The following TIE1 variants were observed in gnomAD, a reference collection of about 807,000 sequenced individuals.
TIE1 encodes the protein tyrosine kinase with immunoglobulin like and EGF like domains 1.
A neutral mutation model predicts 130.5 loss-of-function variants in TIE1; 89 were observed. That is an observed-to-expected ratio of 0.68 (90% CI 0.57 to 0.81). The LOEUF is 0.81. TIE1 is among the 40% of genes least tolerant of loss of function. TIE1 has a pLI of 0.00. For missense variants in TIE1, 1,392 were observed against 1,559.8 expected, an observed-to-expected ratio of 0.89 and a Z score of 1.81; for synonymous variants, 568 against 629.4, an observed-to-expected ratio of 0.90 and a Z score of 1.46.
intron 1 of TIE1, among the ~76,000 whole-genome samples, chr1:43,304,347 A>C (rs142690301): frequency 6.6e-6 from 1 of 152,202 alleles, no homozygotes; most frequent in Non-Finnish European, 1.5e-5. Context: ...AGGGGGACCC[A>C]TGGGACACTT....
rs1210526204 is a variant in TIE1, at chr1:43,319,775, G to A, written c.3107+246G>A. On this transcript the variant is annotated intron_variant, in intron 19 of 22. Transcript: ENST00000372476. This position sits in a 1 kb window ranked among gnomAD's most constrained non-coding sequence, Gnocchi z 4.7. ...AGTTTCGGATTATGTTTGTGTAAGT[G>A]ACGGGGGATGCCTTGGAGAGGTTTG... 3.7e-6 allele frequency: 2 copies of A among 534,932 alleles called. No individual in the cohort carries two copies. Among genetic ancestry groups the A allele is most frequent in the African/African-American group, 3.8e-5 (2 of 52,468 alleles). 33.1% of individuals were successfully genotyped at this position (534,932 alleles called of 1,614,324 possible).
In TIE1 at chr1:43,307,243, C is replaced by T. The variant is rs762069500; in HGVS notation, c.742C>T (p.Pro248Ser). ...CCATGACGGCGAATGTGTATGCCCCCCTGGCTTCACTGGCACCCGCTGTGA... is the reference window on the plus strand; with the variant it reads ...CCATGACGGCGAATGTGTATGCCCCTCTGGCTTCACTGGCACCCGCTGTGA... ...HDHDGECVCP[P>S]GFTGTRCEQA... is the part of the protein sequence containing the mutation. Residue 248 changes from proline to serine, a missense_variant, in exon 5 of 23, where the codon CCT becomes TCT. By Grantham distance (74) the Pro-to-Ser change is moderately conservative (BLOSUM62 -1). Coordinates refer to ENST00000372476, the MANE Select transcript of TIE1 (RefSeq NM_005424.5). The surrounding 1 kb of genome is among the most constrained non-coding windows in gnomAD (Gnocchi z 5.4). 4 of 1,614,124 alleles carry T rather than the reference C, an allele frequency of 2.5e-6. No individual in the cohort carries two copies. Among genetic ancestry groups the T allele is most frequent in the Non-Finnish European group, 3.4e-6 (4 of 1,180,010 alleles).
Position 43,306,583 on chromosome 1 carries a change from G to A in TIE1, c.485-257G>A, listed in dbSNP as rs767814307. ...GGACCAGGGCAGTGGCAGTGGGTGTGGGGAGAAGCGGACTGGGTTAGGGGA... is the reference window on the plus strand; with the variant it reads ...GGACCAGGGCAGTGGCAGTGGGTGTAGGGAGAAGCGGACTGGGTTAGGGGA... On this transcript the variant is annotated intron_variant, in intron 3 of 22. Coordinates refer to ENST00000372476, the MANE Select transcript of TIE1 (RefSeq NM_005424.5). The surrounding 1 kb of genome is among the most constrained non-coding windows in gnomAD (Gnocchi z 4.9). Among the ~76,000 whole-genome samples, 103 of 152,184 alleles carry A rather than the reference G, an allele frequency of 6.8e-4. No homozygotes were observed. Among genetic ancestry groups the A allele is most frequent in the South Asian group, 8.3e-4 (4 of 4,836 alleles).
At position 43,307,132 on chromosome 1, in the gene TIE1, C is replaced by G; in HGVS notation, c.641-10C>G. The G allele has an allele frequency of 6.2e-7, 1 of 1,614,010 alleles. No individual in the cohort carries two copies. The highest frequency in any genetic ancestry group is 8.5e-7 in the Non-Finnish European group (1 of 1,179,992). ...GGTGAGGGTCAGCTGCTGAAGACAC[C>G]TTCCTCCAGGTTGTGGGGCTGGGCG... On this transcript the variant is annotated splice_polypyrimidine_tract_variant and intron_variant, in intron 4 of 22. Transcript: ENST00000372476. The surrounding 1 kb of genome is among the most constrained non-coding windows in gnomAD (Gnocchi z 5.4).
rs780511284 is a variant in TIE1 at position 43,312,161 on chromosome 1, C to T, written c.1630+30C>T. 1.3e-6 allele frequency: 2 copies of T among 1,517,250 alleles called. No individual in the cohort carries two copies. The highest frequency in any genetic ancestry group is 2.2e-5 in the Admixed American group (1 of 45,402). The allele number at this position is 1,517,250 out of a possible 1,614,324, so 94.0% of individuals were successfully genotyped here. A position where few individuals can be genotyped will look rare whatever the true frequency, so the allele number is the denominator to read the frequency against. On this transcript the variant is annotated intron_variant, in intron 11 of 22. Transcript: ENST00000372476. The surrounding 1 kb of genome is among the most constrained non-coding windows in gnomAD (Gnocchi z 5.6). ...GAGGCCAAGAGTCATCCCTTCCTGT[C>T]CCCCCAAGGGTTACTTTCCCGTCGA...
At position 43,307,233 on chromosome 1, in the gene TIE1, T is replaced by G. The variant is rs1159772438; in HGVS notation, c.732T>G (p.Cys244Trp). 1.2e-6 allele frequency: 2 copies of G among 1,613,982 alleles called. No individual in the cohort carries two copies. The highest frequency in any genetic ancestry group is 1.7e-6 in the Non-Finnish European group (2 of 1,179,964). The change falls in exon 5 of 23, where the codon TGT becomes TGG. Residue 244 changes from cysteine (C) to tryptophan (W), a missense_variant. Coordinates refer to ENST00000372476, the MANE Select transcript of TIE1 (RefSeq NM_005424.5). The surrounding 1 kb of genome is among the most constrained non-coding windows in gnomAD (Gnocchi z 5.4). Reference protein sequence around the residue: ...GGVCHDHDGECVCPPGFTGTR... With the variant: ...GGVCHDHDGEWVCPPGFTGTR... ...TCTGCCACGACCATGACGGCGAATG[T>G]GTATGCCCCCCTGGCTTCACTGGCA...
In TIE1 at chr1:43,312,551, C is replaced by T. The variant is rs145096280; in HGVS notation, c.1877C>T (p.Thr626Ile). 1.2e-6 allele frequency: 2 copies of T among 1,613,106 alleles called. No homozygotes were observed. Among genetic ancestry groups the T allele is most frequent in the African/African-American group, 2.7e-5 (2 of 74,906 alleles). ...CTGGATGTGCAGCTCTACCACTGCA[C>T]CCTCCTGGGCCCGGCCTCGCCCCCT... ...YQLDVQLYHC[T>I]LLGPASPPAH... is the part of the protein sequence containing the mutation. The change falls in exon 12 of 23, where the codon ACC (threonine) becomes ATC (isoleucine). Residue 626 changes from threonine (T) to isoleucine (I), a missense_variant. This residue lies in a region of TIE1 where 551 missense variants were observed against 565.5 expected (regional missense o/e 0.97). Coordinates refer to ENST00000372476, the MANE Select transcript of TIE1 (RefSeq NM_005424.5). This position sits in a 1 kb window ranked among gnomAD's most constrained non-coding sequence, Gnocchi z 5.6.
At chr1:43,321,049 A>C (rs1199040) in intron 19 of TIE1, among the ~76,000 whole-genome samples, 49 of 133,120 alleles carry the variant, frequency 3.7e-4, no homozygotes, top group African/African-American at 5.9e-4. Flanking sequence ...AAAAAAAAAA[A>C]AAAAACAAAA....
rs756843407 is a variant in TIE1, at chr1:43,312,400, G to A, written c.1726G>A (p.Val576Met). Residue 576 changes from valine (V) to methionine (M), a missense_variant, in exon 12 of 23, where the codon GTG becomes ATG. Physicochemically the swap from Val to Met is conservative, Grantham distance 21 (BLOSUM62 1). Around this residue, in one of 6 missense-constraint regions of TIE1, gnomAD observed 551 missense variants for 565.5 expected, o/e 0.97. Transcript: ENST00000372476. The surrounding 1 kb of genome is among the most constrained non-coding windows in gnomAD (Gnocchi z 5.6). ...WSLPLVPGPL[V>M]GDGFLLRLWD... is the part of the protein sequence containing the mutation. The stretch of plus-strand genomic sequence containing the variant: ...CTTGCCCTTGGTGCCCGGGCCACTG[G>A]TGGGCGACGGTTTCCTGCTGCGCCT... 1.9e-6 allele frequency: 3 copies of A among 1,606,882 alleles called. No individual in the cohort carries two copies. In the African/African-American group the frequency reaches 4.0e-5, roughly 21 times the overall value.
chr1:43,315,440 A>C lies in TIE1; in HGVS notation c.2409+1472A>C, dbSNP rs1022103406. The C allele has an allele frequency of 1.3e-5, 2 of 151,934 alleles. No individual in the cohort carries two copies. Among genetic ancestry groups the C allele is most frequent in the Admixed American group, 1.3e-4 (2 of 15,266 alleles). The allele number at this position is 151,934 out of a possible 1,614,324, so 9.4% of individuals were successfully genotyped here. On this transcript the variant is annotated intron_variant, in intron 14 of 22. Coordinates refer to ENST00000372476, the MANE Select transcript of TIE1 (RefSeq NM_005424.5). This position sits in a 1 kb window ranked among gnomAD's most constrained non-coding sequence, Gnocchi z 4.4. ...GGGAGGCTGAGGCGGGTGGATCATGAGGTCAGGAGTTCAAGACCAGCCTGC... is the reference window on the plus strand; with the variant it reads ...GGGAGGCTGAGGCGGGTGGATCATGCGGTCAGGAGTTCAAGACCAGCCTGC...
rs1386216723 is a variant in TIE1 at position 43,315,960 on chromosome 1, G to T, written c.2410-1239G>T. ...TGTGGTCCCAACTACTCGGGAGGCT[G>T]AGGTGGGAGGATTGCCTGTGCCCAA... On this transcript the variant is annotated intron_variant, in intron 14 of 22. Transcript: ENST00000372476. The surrounding 1 kb of genome is among the most constrained non-coding windows in gnomAD (Gnocchi z 4.4). Among the ~76,000 whole-genome samples the T allele has an allele frequency of 2.6e-5, 4 of 152,218 alleles. No individual in the cohort carries two copies. Among genetic ancestry groups the T allele is most frequent in the Admixed American group, 2.0e-4 (3 of 15,290 alleles).
Position 43,313,639 on chromosome 1 carries a change from C to G in TIE1, c.2219-139C>G. ...GTCGCCCCTCTGACACCCCTCATCCCTTCCTTCATGTGGCCCAAGTGATTT... is the reference window on the plus strand; with the variant it reads ...GTCGCCCCTCTGACACCCCTCATCCGTTCCTTCATGTGGCCCAAGTGATTT... On this transcript the variant is annotated intron_variant, in intron 13 of 22. Coordinates refer to ENST00000372476, the MANE Select transcript of TIE1 (RefSeq NM_005424.5). This position sits in a 1 kb window ranked among gnomAD's most constrained non-coding sequence, Gnocchi z 6.2. 2.6e-5 allele frequency: 28 copies of G among 1,069,516 alleles called. No homozygotes were observed. The highest frequency in any genetic ancestry group is 3.3e-5 in the Non-Finnish European group (25 of 758,486). The allele number at this position is 1,069,516 out of a possible 1,614,324, so 66.3% of individuals were successfully genotyped here.
Position 43,307,423 on chromosome 1 carries a change from T to C in TIE1, c.773-9T>C. The C allele has an allele frequency of 3.1e-6, 5 of 1,613,948 alleles. No individual in the cohort carries two copies. The highest frequency in any genetic ancestry group is 3.4e-6 in the Non-Finnish European group (4 of 1,179,900). On this transcript the variant is annotated splice_polypyrimidine_tract_variant and intron_variant, in intron 5 of 22. Coordinates refer to ENST00000372476, the MANE Select transcript of TIE1 (RefSeq NM_005424.5). The surrounding 1 kb of genome is among the most constrained non-coding windows in gnomAD (Gnocchi z 5.4). ...AGAGGCCCATACACCCCACACACTCTCTTTCTAGCCTGCAGAGAGGGCCGT... is the reference window on the plus strand; with the variant it reads ...AGAGGCCCATACACCCCACACACTCCCTTTCTAGCCTGCAGAGAGGGCCGT...
In TIE1 at chr1:43,305,012, C is replaced by T. The variant is rs1270098735; in HGVS notation, c.220C>T (p.Pro74Ser). ...GGACGACCGTATCGTGCGCACCCCG[C>T]CCGGGCCACCCCTGCGCCTGGCGCG... ...EKDDRIVRTP[P>S]GPPLRLARNG... is the part of the protein sequence containing the mutation. The change falls in exon 2 of 23, where the codon CCC becomes TCC. Residue 74 changes from proline (P) to serine (S), a missense_variant. Pro to Ser is a moderately conservative substitution (Grantham distance 74, BLOSUM62 -1). Around this residue, in one of 6 missense-constraint regions of TIE1, gnomAD observed 415 missense variants for 424.8 expected, o/e 0.98. Coordinates refer to ENST00000372476, the MANE Select transcript of TIE1 (RefSeq NM_005424.5). 1.3e-6 allele frequency: 2 copies of T among 1,552,654 alleles called. No homozygotes were observed. The highest frequency in any genetic ancestry group is 1.7e-6 in the Non-Finnish European group (2 of 1,147,870).
Position 43,309,010 on chromosome 1 carries a change from T to A in TIE1, c.1067T>A (p.Met356Lys), listed in dbSNP as rs762403416. 4 of 1,614,008 alleles carry A rather than the reference T, an allele frequency of 2.5e-6. No individual in the cohort carries two copies. The highest frequency in any genetic ancestry group is 3.4e-6 in the Non-Finnish European group (4 of 1,179,976). ...KSDRIPQILN[M>K]ASELEFNLET... ...GACCGGATCCCCCAGATCCTCAACA[T>A]GGCCTCAGAACTGGAGTTCAACTTA... The change falls in exon 8 of 23, where the codon ATG becomes AAG. Residue 356 changes from methionine (M) to lysine (K), a missense_variant. Coordinates refer to ENST00000372476, the MANE Select transcript of TIE1 (RefSeq NM_005424.5). The surrounding 1 kb of genome is among the most constrained non-coding windows in gnomAD (Gnocchi z 6.3).
At position 43,315,850 on chromosome 1, in the gene TIE1, T is replaced by TC. The variant is rs1232963788; in HGVS notation, c.2410-1344dup. ...GTGTCATACTCTATATCAAGATATA[T>TC]CCCCCTAGCCTGGGCAACATGGCAA... On this transcript the variant is annotated intron_variant, in intron 14 of 22. Transcript: ENST00000372476. The surrounding 1 kb of genome is among the most constrained non-coding windows in gnomAD (Gnocchi z 4.4). Among the ~76,000 whole-genome samples the TC allele has an allele frequency of 3.3e-5, 5 of 151,918 alleles. No individual in the cohort carries two copies. The highest frequency in any genetic ancestry group is 1.2e-4 in the African/African-American group (5 of 41,352).
At chr1:43,303,466 G>A (rs1162142766) in intron 1 of TIE1, among the ~76,000 whole-genome samples, 1 of 152,192 alleles carries the variant, frequency 6.6e-6, no homozygotes, top group Non-Finnish European at 1.5e-5. Context: ...GTAAATGCCA[G>A]CTTCGTTTGC....
chr1:43,309,073 A>G lies in TIE1; in HGVS notation c.1130A>G (p.Asn377Ser). ...MPRINCAAAG[N>S]PFPVRGSIEL... is the part of the protein sequence containing the mutation. ...CGGATCAACTGTGCAGCTGCAGGGAACCCCTTCCCCGTGCGGGGCAGCATA... is the reference window on the plus strand; with the variant it reads ...CGGATCAACTGTGCAGCTGCAGGGAGCCCCTTCCCCGTGCGGGGCAGCATA... Residue 377 changes from asparagine (N) to serine (S), a missense_variant, in exon 8 of 23, where the codon AAC becomes AGC. By Grantham distance (46) the Asn-to-Ser change is conservative (BLOSUM62 1). Around this residue, in one of 6 missense-constraint regions of TIE1, gnomAD observed 551 missense variants for 565.5 expected, o/e 0.97. Transcript: ENST00000372476. The surrounding 1 kb of genome is among the most constrained non-coding windows in gnomAD (Gnocchi z 6.3). The G allele has an allele frequency of 6.2e-7, 1 of 1,613,718 alleles. No homozygotes were observed. Among genetic ancestry groups the G allele is most frequent in the Non-Finnish European group, 8.5e-7 (1 of 1,179,830 alleles).
At position 43,317,250 on chromosome 1, in the gene TIE1, C is replaced by T. The variant is rs199739316; in HGVS notation, c.2461C>T (p.Arg821Trp). 2.4e-5 allele frequency: 38 copies of T among 1,614,142 alleles called. 1 individual carries two copies. Among genetic ancestry groups the T allele is most frequent in the East Asian group, 1.3e-4 (6 of 44,876 alleles). ...CTCAGGGACCTTGACACTTACCCGG[C>T]GGCCAAAACTGCAGCCCGAGCCCCT... is the stretch of plus-strand genomic sequence containing the variant. The part of the protein sequence containing the change: ...FSSGTLTLTR[R>W]PKLQPEPLSY... The change falls in exon 15 of 23, where the codon CGG (arginine) becomes TGG (tryptophan). Residue 821 changes from arginine (R) to tryptophan (W), a missense_variant. By Grantham distance (101) the Arg-to-Trp change is moderately radical (BLOSUM62 -3). Around this residue, in one of 6 missense-constraint regions of TIE1, gnomAD observed 286 missense variants for 354.4 expected, o/e 0.81. Transcript: ENST00000372476. This position sits in a 1 kb window ranked among gnomAD's most constrained non-coding sequence, Gnocchi z 5.1.
Sources: gnomAD v4.1 joint callset for allele counts (sites outside exome capture counted in the v4.1 genomes callset) on GRCh38, gnomAD v4.1.1 for gene constraint, gnomAD v4.1.1 regional missense constraint, Gnocchi (gnomAD v3.1) non-coding constraint, MANE v1.5 for transcripts, NCBI Gene and HGNC (gene_info 2026-07-23, HGNC 2026-07-21) for gene names.